The following XPO4 variants were observed in gnomAD, a reference collection of about 807,000 sequenced individuals.
XPO4 encodes exportin-4.
XPO4 carries 39 observed loss-of-function variants against 143.0 expected under a neutral mutation model. That is an observed-to-expected ratio of 0.27 (90% CI 0.21 to 0.36). The LOEUF is 0.36. Ranked by LOEUF, XPO4 falls within the 10% of genes least tolerant of loss-of-function variation. The pLI, the probability that XPO4 is intolerant of heterozygous loss-of-function variation, is 1.00. For missense variants in XPO4, 907 were observed against 1,348.0 expected (o/e 0.67, Z 5.12); for synonymous variants, 439 against 474.0 (o/e 0.93, Z 0.96).
At chr13:20,857,065 C>T in intron 3 of XPO4, 1 of 204,446 alleles carries the variant, frequency 4.9e-6, no homozygotes, top group Non-Finnish European at 8.6e-6. Context: ...AGTGAAAAAA[C>T]ATTCCTTCAA....
chr13:20,862,160 CCT>C (rs201000528), intron 3 of XPO4, among the ~76,000 whole-genome samples: 35 of 152,184 alleles, frequency 2.3e-4, no homozygotes, highest in East Asian at 1.4e-3. Flanking sequence ...TTCCCTCTCC[CCT>C]GTTTTAGGAT....
chr13:20,834,656 A>C (rs186168682), intron 6 of XPO4, among the ~76,000 whole-genome samples: 4 of 152,012 alleles, frequency 2.6e-5, no homozygotes, highest in East Asian at 1.9e-4. Context: ...AAAAAAAAAA[A>C]ACCTTTAATA....
chr13:20,851,108 T>C (rs755371799), intron 4 of XPO4: 87 of 985,228 alleles, frequency 8.8e-5, no homozygotes, highest in Non-Finnish European at 1.0e-4. Flanking sequence ...TCTGAGACTA[T>C]GAAAACATTA....
chr13:20,828,390 T>C (rs577035575), intron 6 of XPO4, among the ~76,000 whole-genome samples: 6 of 152,300 alleles, frequency 3.9e-5, no homozygotes, highest in East Asian at 3.9e-4. Context: ...AAAAAGTAGA[T>C]AGAAATTCAA....
At chr13:20,851,463 C>T (rs923087692) in intron 4 of XPO4, 75 of 980,800 alleles carry the variant, frequency 7.6e-5, no homozygotes, top group Non-Finnish European at 8.7e-5. Flanking sequence ...CACCTATAAT[C>T]TTTGGGAGGC....
intron 9 of XPO4, among the ~76,000 whole-genome samples, chr13:20,817,637 G>A (rs1424964238): frequency 6.6e-6 from 1 of 152,136 alleles, no homozygotes; most frequent in African/African-American, 2.4e-5. Context: ...CTACTTGGCT[G>A]AACTCAAAAT....
intron 22 of XPO4, among the ~76,000 whole-genome samples, chr13:20,786,521 A>G (rs1031392308): frequency 1.3e-5 from 2 of 152,120 alleles, no homozygotes; most frequent in Non-Finnish European, 2.9e-5. Context: ...TCTTTAAAAG[A>G]TCAACAAAAT....
chr13:20,858,852 C>T (rs952388212), intron 3 of XPO4, among the ~76,000 whole-genome samples: 3 of 150,748 alleles, frequency 2.0e-5, no homozygotes, highest in African/African-American at 7.3e-5. Context: ...GCCTGGGTGA[C>T]AGAGCAAGAC....
chr13:20,808,731 A>G (rs2137888319), intron 11 of XPO4, 150 bp from the exon 12 acceptor site: 1 of 643,804 alleles, frequency 1.6e-6, no homozygotes, highest in East Asian at 2.9e-5. Context: ...TTGTCATAGC[A>G]CTATAGGAAT....
In XPO4 at chr13:20,816,757, T is replaced by C. The variant is rs2059655642; in HGVS notation, c.1173+4947A>G. ...CTGACTCATACAAGTCATGAAATAT[T>C]ACATGGTTATCATCCAATTAGAATT... On this transcript the variant is annotated intron_variant, in intron 9 of 22. Coordinates refer to ENST00000255305, the MANE Select transcript of XPO4 (RefSeq NM_022459.5). Among the ~76,000 whole-genome samples, 4 of 152,360 alleles carry C rather than the reference T, an allele frequency of 2.6e-5. No homozygotes were observed. The South Asian group carries it at 8.3e-4, about 32-fold the overall frequency.
In XPO4 at chr13:20,785,783, A is replaced by G. The variant is rs994077098; in HGVS notation, c.3258+1182T>C. 4.1e-5 allele frequency among the ~76,000 whole-genome samples: 6 copies of G among 147,050 alleles called. No homozygotes were observed. The East Asian group carries it at 1.3e-3, about 32-fold the overall frequency. ...TGTGTAAATATGTTAAAAGAGAGGG[A>G]GAGAGAGAAATAAAGGAAGAGAAGG... On this transcript the variant is annotated intron_variant, in intron 22 of 22. Coordinates refer to ENST00000255305, the MANE Select transcript of XPO4 (RefSeq NM_022459.5).
At chr13:20,809,720 T>C (rs757773535) in intron 10 of XPO4, 71 bp downstream of exon 10, 108 of 1,458,880 alleles carry the variant, frequency 7.4e-5, no homozygotes, top group Non-Finnish European at 9.6e-5. Flanking sequence ...TGGCATTATA[T>C]AATGTGTAAC....
chr13:20,820,783 C>G (rs1473479581), intron 9 of XPO4, among the ~76,000 whole-genome samples: 1 of 152,160 alleles, frequency 6.6e-6, no homozygotes, highest in East Asian at 1.9e-4. Flanking sequence ...CTCGAGTTCT[C>G]TATTCTCTGA....
chr13:20,837,677 G>C (rs1286623107), intron 6 of XPO4, among the ~76,000 whole-genome samples: 1 of 152,194 alleles, frequency 6.6e-6, no homozygotes, highest in Non-Finnish European at 1.5e-5. Context: ...TGGACTTACA[G>C]TTCCACGTGG....
chr13:20,837,138 G>T (rs991440556), intron 6 of XPO4, among the ~76,000 whole-genome samples: 1 of 152,042 alleles, frequency 6.6e-6, no homozygotes, highest in East Asian at 1.9e-4. Flanking sequence ...GTACTGCTCT[G>T]AACATTCATG....
intron 4 of XPO4, among the ~76,000 whole-genome samples, chr13:20,847,969 C>A (rs1284967722): frequency 6.6e-6 from 1 of 152,152 alleles, no homozygotes; most frequent in Admixed American, 6.5e-5. Context: ...GGAATTATTT[C>A]TATGGCAATT....
chr13:20,821,905 A>C, intron 8 of XPO4, 27 bp from the exon 9 acceptor site: 1 of 1,576,278 alleles, frequency 6.3e-7, no homozygotes, highest in Admixed American at 1.8e-5. Context: ...AGTATTATTA[A>C]GTGGCAGTAA....
At chr13:20,869,035 T>C (rs2060269098) in intron 1 of XPO4, among the ~76,000 whole-genome samples, 1 of 152,168 alleles carries the variant, frequency 6.6e-6, no homozygotes, top group Non-Finnish European at 1.5e-5. Flanking sequence ...TATTCCAAAA[T>C]ATACCACTTG....
chr13:20,834,931 G>A (rs781230990), intron 6 of XPO4, among the ~76,000 whole-genome samples: 15 of 152,174 alleles, frequency 9.9e-5, no homozygotes, highest in Non-Finnish European at 1.8e-4. Flanking sequence ...CTATACCTTA[G>A]CCTGGGTGAC....
Sources: gnomAD v4.1 joint callset for allele counts (sites outside exome capture counted in the v4.1 genomes callset) on GRCh38, gnomAD v4.1.1 for gene constraint, MANE v1.5 for transcripts, NCBI Gene and HGNC (gene_info 2026-07-23, HGNC 2026-07-21) for gene names.